Variants in DDR2 observed in about 807,000 individuals in gnomAD.
DDR2 encodes the protein discoidin domain-containing receptor 2.
In DDR2, 27 loss-of-function variants were observed where a neutral mutation model predicts 94.9. The observed-to-expected ratio is 0.28, with a 90% CI of 0.21 to 0.39. DDR2 has a LOEUF of 0.39. Ranked by LOEUF, DDR2 falls within the 10% of genes least tolerant of loss-of-function variation. DDR2 has a pLI of 1.00. For missense variants in DDR2, 783 were observed against 1,076.0 expected, an observed-to-expected ratio of 0.73 and a Z score of 3.81; for synonymous variants, 382 against 377.2, an observed-to-expected ratio of 1.01 and a Z score of -0.15.
At chr1:162,720,309 T>G (rs1189922781) in intron 3 of DDR2, among the ~76,000 whole-genome samples, 2 of 152,160 alleles carry the variant, frequency 1.3e-5, no homozygotes, top group African/African-American at 4.8e-5. Flanking sequence ...TCCCTTCCAG[T>G]AACTTTTCTC....
rs1228535647 is a variant in DDR2 at position 162,783,340 on chromosome 1, T to C, written c.*3094T>C. The C allele has an allele frequency of 2.0e-5, 3 of 151,960 alleles. No individual in the cohort carries two copies. Among genetic ancestry groups the C allele is most frequent in the African/African-American group, 4.8e-5 (2 of 41,342 alleles). 9.4% of individuals were successfully genotyped at this position (151,960 alleles called of 1,614,324 possible). A position where few individuals can be genotyped will look rare whatever the true frequency, so the allele number is the denominator to read the frequency against. ...ATGTGGTTTTAATGTTGTGGAAAGA[T>C]CACTTGCAAGTATATAAGACTGTAT... On this transcript the variant is annotated 3_prime_UTR_variant, in exon 18 of 18. Coordinates refer to ENST00000367921, the MANE Select transcript of DDR2 (RefSeq NM_006182.4).
At chr1:162,724,853 C>G (rs1205186072) in intron 3 of DDR2, among the ~76,000 whole-genome samples, 1 of 152,138 alleles carries the variant, frequency 6.6e-6, no homozygotes, top group Non-Finnish European at 1.5e-5. Context: ...AAAGACCTCT[C>G]TGGTTGAATT....
At chr1:162,748,728 A>T (rs1356819523) in intron 3 of DDR2, among the ~76,000 whole-genome samples, 1 of 152,258 alleles carries the variant, frequency 6.6e-6, no homozygotes. Context: ...CATCATACTT[A>T]TTCCAAAATT....
intron 8 of DDR2, 30 bp from the exon 9 acceptor site, chr1:162,761,181 C>G (rs1480599233): frequency 6.2e-7 from 1 of 1,613,590 alleles, no homozygotes; most frequent in Non-Finnish European, 8.5e-7. Flanking sequence ...CAGGGCCAAC[C>G]TATCACTCAC....
At chr1:162,653,717 C>G (rs754079972) in intron 1 of DDR2, among the ~76,000 whole-genome samples, 33 of 152,040 alleles carry the variant, frequency 2.2e-4, no homozygotes, top group Non-Finnish European at 4.7e-4. Context: ...AACGTTGGCT[C>G]AGAGATTGTT....
chr1:162,638,800 A>G (rs1011882471), intron 1 of DDR2, among the ~76,000 whole-genome samples: 2 of 152,218 alleles, frequency 1.3e-5, no homozygotes, highest in South Asian at 4.1e-4. Flanking sequence ...TGTTCCTCAG[A>G]CAGATGCAGT....
intron 17 of DDR2, 129 bp downstream of exon 17, chr1:162,778,858 A>T: frequency 8.0e-7 from 1 of 1,256,686 alleles, no homozygotes; most frequent in South Asian, 1.3e-5. Flanking sequence ...TTTGTCACTA[A>T]CTATCCAGAT....
intron 2 of DDR2, among the ~76,000 whole-genome samples, chr1:162,691,167 G>GC (rs1246269580): frequency 6.6e-6 from 1 of 152,178 alleles, no homozygotes; most frequent in Non-Finnish European, 1.5e-5. Context: ...AGTTCGATGA[G>GC]CTTTTGGCTC....
chr1:162,684,297 G>A (rs1273132248), intron 2 of DDR2, among the ~76,000 whole-genome samples: 1 of 152,034 alleles, frequency 6.6e-6, no homozygotes, highest in Non-Finnish European at 1.5e-5. Flanking sequence ...TATTTGACAA[G>A]GATGATAAAA....
chr1:162,642,963 C>T (rs1395267536), intron 1 of DDR2, among the ~76,000 whole-genome samples: 1 of 152,164 alleles, frequency 6.6e-6, no homozygotes, highest in East Asian at 1.9e-4. Context: ...GGGTATCAAG[C>T]TTGGATGTCA....
chr1:162,658,829 A>AAATAAATAAATAAAT (rs60623253), intron 2 of DDR2, among the ~76,000 whole-genome samples: 2,319 of 133,668 alleles, frequency 0.017, 57 homozygotes, highest in African/African-American at 0.048. Flanking sequence ...CCTGTCTCAA[A>AAATAAATAAATAAAT]AAATAAATAA....
intron 2 of DDR2, among the ~76,000 whole-genome samples, chr1:162,664,211 TA>T (rs1435378193): frequency 1.3e-5 from 2 of 152,154 alleles, no homozygotes; most frequent in African/African-American, 4.8e-5. Flanking sequence ...TTAAAGATAT[TA>T]AAACAGGAAA....
chr1:162,749,426 G>T lies in DDR2; in HGVS notation c.83-3669G>T, dbSNP rs955220336. Among the ~76,000 whole-genome samples the T allele has an allele frequency of 1.0e-3, 158 of 152,228 alleles. 1 individual carries two copies. The highest frequency in any genetic ancestry group is 2.4e-4 in the Non-Finnish European group (16 of 68,008). ...TCTAGAAGAAATGGATAAATTCCTG[G>T]ACATATACACCCTCCCAAGACTAAA... On this transcript the variant is annotated intron_variant, in intron 3 of 17. Coordinates refer to ENST00000367921, the MANE Select transcript of DDR2 (RefSeq NM_006182.4).
At chr1:162,649,997 A>G (rs940741013) in intron 1 of DDR2, among the ~76,000 whole-genome samples, 3 of 152,196 alleles carry the variant, frequency 2.0e-5, no homozygotes, top group African/African-American at 7.2e-5. Context: ...CTTACCTGGA[A>G]GAAGGTAAAG....
chr1:162,676,502 A>G (rs1480724774), intron 2 of DDR2, among the ~76,000 whole-genome samples: 1 of 152,236 alleles, frequency 6.6e-6, no homozygotes, highest in East Asian at 1.9e-4. Context: ...GCACATGCTA[A>G]GTTCTCAGCT....
intron 3 of DDR2, among the ~76,000 whole-genome samples, chr1:162,746,032 C>T (rs914137792): frequency 6.6e-6 from 1 of 152,142 alleles, no homozygotes; most frequent in Non-Finnish European, 1.5e-5. Context: ...AGGAACAGCT[C>T]CAGTCTACAG....
At chr1:162,753,811 C>T (rs114586794) in intron 4 of DDR2, among the ~76,000 whole-genome samples, 1,533 of 152,246 alleles carry the variant, frequency 0.01, 24 homozygotes, top group African/African-American at 0.035. Context: ...AATACTCTAC[C>T]TGGAATCTTA....
At chr1:162,749,131 C>A (rs1663045124) in intron 3 of DDR2, among the ~76,000 whole-genome samples, 1 of 152,066 alleles carries the variant, frequency 6.6e-6, no homozygotes, top group African/African-American at 2.4e-5. Context: ...CAAAAGCTAG[C>A]AGAAGGCAAG....
At chr1:162,706,478 A>G (rs1030461096) in intron 2 of DDR2, among the ~76,000 whole-genome samples, 1 of 152,184 alleles carries the variant, frequency 6.6e-6, no homozygotes, top group Non-Finnish European at 1.5e-5. Flanking sequence ...CCTGGTGAAA[A>G]GGGGCAACTC....
Sources: gnomAD v4.1 joint callset for allele counts (sites outside exome capture counted in the v4.1 genomes callset) on GRCh38, gnomAD v4.1.1 for gene constraint, MANE v1.5 for transcripts, NCBI Gene and HGNC (gene_info 2026-07-23, HGNC 2026-07-21) for gene names.